CTBS: variants seen among roughly 807,000 people sequenced by gnomAD.
CTBS encodes the protein di-N-acetylchitobiase.
A neutral mutation model predicts 44.3 loss-of-function variants in CTBS; 35 were observed. The observed-to-expected ratio is 0.79, with a 90% CI of 0.60 to 1.05. The LOEUF is 1.05. CTBS is among the 50% of genes least tolerant of loss of function. The pLI is 0.00. For synonymous variants in CTBS, 143 were observed against 168.0 expected, an observed-to-expected ratio of 0.85 and a Z score of 1.15; for missense variants, 458 against 475.3, an observed-to-expected ratio of 0.96 and a Z score of 0.34.
Position 84,550,624 on chromosome 1 carries a change from T to C in CTBS, c.*4375A>G, listed in dbSNP as rs546440083. On this transcript the variant is annotated 3_prime_UTR_variant, in exon 7 of 7. Transcript: ENST00000370630. Reference sequence around the variant, plus strand: ...ACTTTGGGTGTCAATAATATAAGGGTAGCCAGGATTGACTGTATTAAAATT... The same window carrying C: ...ACTTTGGGTGTCAATAATATAAGGGCAGCCAGGATTGACTGTATTAAAATT... 1.2e-4 allele frequency: 164 copies of C among 1,328,464 alleles called. No homozygotes were observed. The African/African-American group carries it at 1.8e-3, about 15-fold the overall frequency. The allele number at this position is 1,328,464 out of a possible 1,614,324, so 82.3% of individuals were successfully genotyped here.
chr1:84,552,864 C>A lies in CTBS; in HGVS notation c.*2135G>T. 1.9e-6 allele frequency: 1 copy of A among 539,014 alleles called. No homozygotes were observed. Among genetic ancestry groups the A allele is most frequent in the Non-Finnish European group, 3.3e-6 (1 of 306,486 alleles). The allele number at this position is 539,014 out of a possible 1,614,324, so 33.4% of individuals were successfully genotyped here. A position where few individuals can be genotyped will look rare whatever the true frequency, so the allele number is the denominator to read the frequency against. On this transcript the variant is annotated 3_prime_UTR_variant, in exon 7 of 7. Transcript: ENST00000370630. ...GTAGATAAGCATGCTTATTAAACAG[C>A]ATTCATAATCTACACATTTACTGTA...
Position 84,569,937 on chromosome 1 carries a change from T to A in CTBS, c.519A>T (p.Gly173=). The A allele has an allele frequency of 6.2e-7, 1 of 1,609,604 alleles. No individual in the cohort carries two copies. Among genetic ancestry groups the A allele is most frequent in the Non-Finnish European group, 8.5e-7 (1 of 1,179,138 alleles). The change falls in exon 3 of 7, where the codon GGA becomes GGT. Residue 173 remains glycine, a synonymous_variant. Transcript: ENST00000370630. The part of the protein sequence containing the change: ...TTDSFHREIE[G]SQVTFDVAWS... ...AAAATAAATGAGTTTTTACCTGTGA[T>A]CCCTCAATTTCACGATGGAAAGAGT...
At chr1:84,558,360 G>A (rs921427996) in intron 6 of CTBS, among the ~76,000 whole-genome samples, 1 of 150,748 alleles carries the variant, frequency 6.6e-6, no homozygotes. Context: ...CGGGATCTCG[G>A]CTCACTGCAA....
In CTBS at chr1:84,563,915, CTGTT is replaced by C. The variant is rs544341022; in HGVS notation, c.698-87_698-84del. Reference sequence around the variant, plus strand: ...TACAAGCTATGCAACCGTTCAGAATCTGTTTGTAAAAACAAGTACATTTATAAAA... The same window carrying C: ...TACAAGCTATGCAACCGTTCAGAATCTGTAAAAACAAGTACATTTATAAAA... On this transcript the variant is annotated intron_variant, in intron 4 of 6. Transcript: ENST00000370630. 1,151 of 1,414,994 alleles carry C rather than the reference CTGTT, an allele frequency of 8.1e-4. 20 individuals are homozygous for C. The Admixed American group carries it at 0.018, about 22-fold the overall frequency. 87.7% of individuals were successfully genotyped at this position (1,414,994 alleles called of 1,614,324 possible).
At chr1:84,570,438 G>A in intron 2 of CTBS, 144 bp downstream of exon 2, 1 of 727,060 alleles carries the variant, frequency 1.4e-6, no homozygotes, top group Non-Finnish European at 2.2e-6. Context: ...TTTGTGAAAT[G>A]AATTACACAG....
intron 4 of CTBS, among the ~76,000 whole-genome samples, chr1:84,564,167 T>G (rs1200220270): frequency 1.3e-5 from 2 of 152,236 alleles, no homozygotes; most frequent in Non-Finnish European, 2.9e-5. Flanking sequence ...TACTTGATAC[T>G]CTAGATTCTA....
At chr1:84,557,548 A>AG (rs1256844155) in intron 6 of CTBS, among the ~76,000 whole-genome samples, 2 of 137,410 alleles carry the variant, frequency 1.5e-5, no homozygotes, top group African/African-American at 3.2e-5. Context: ...AAAAAAAAAA[A>AG]AAAAAGAAAA....
In CTBS at chr1:84,573,833, C is replaced by G. The variant is rs1647384464; in HGVS notation, c.177+406G>C. The stretch of plus-strand genomic sequence containing the variant: ...GAAAACTAAAGGTAAGCAAAATACT[C>G]TGCATTCTAATGTACTGTTGGAGTG... On this transcript the variant is annotated intron_variant, in intron 1 of 6. Coordinates refer to ENST00000370630, the MANE Select transcript of CTBS (RefSeq NM_004388.3). 4 of 1,001,152 alleles carry G rather than the reference C, an allele frequency of 4.0e-6. No homozygotes were observed. In the Admixed American group the frequency reaches 2.3e-4, roughly 57 times the overall value. 62.0% of individuals were successfully genotyped at this position (1,001,152 alleles called of 1,614,324 possible).
intron 1 of CTBS, 98 bp from the exon 2 acceptor site, chr1:84,570,818 T>C (rs769577313): frequency 2.8e-5 from 34 of 1,204,462 alleles, no homozygotes; most frequent in Admixed American, 4.1e-5. Flanking sequence ...CCAAACACTA[T>C]GGTGGCAGTG....
chr1:84,557,533 C>CA (rs56101174), intron 6 of CTBS, among the ~76,000 whole-genome samples: 3,501 of 55,262 alleles, frequency 0.063, 125 homozygotes, highest in Non-Finnish European at 0.095. Context: ...AACTCCATCT[C>CA]AAAAAAAAAA....
chr1:84,573,850 G>A (rs12751492), intron 1 of CTBS: 2 of 1,069,692 alleles, frequency 1.9e-6, no homozygotes, highest in Non-Finnish European at 1.1e-6. Flanking sequence ...CTAATGTACT[G>A]TTGGAGTGCT....
intron 6 of CTBS, among the ~76,000 whole-genome samples, chr1:84,558,728 C>T (rs1188048204): frequency 6.6e-6 from 1 of 151,684 alleles, no homozygotes; most frequent in African/African-American, 2.4e-5. Context: ...TAGAAAGACC[C>T]CGTCTCTACA....
chr1:84,559,997 T>C (rs1233375146), intron 6 of CTBS, among the ~76,000 whole-genome samples: 2 of 149,216 alleles, frequency 1.3e-5, no homozygotes, highest in Admixed American at 6.7e-5. Flanking sequence ...AGGAGTAGAA[T>C]TGCTTGAACC....
Position 84,563,389 on chromosome 1 carries a change from A to C in CTBS, c.825T>G (p.Pro275=). The C allele has an allele frequency of 1.3e-6, 2 of 1,577,236 alleles. No homozygotes were observed. The highest frequency in any genetic ancestry group is 1.7e-6 in the Non-Finnish European group (2 of 1,164,136). ...CGTCACTACAAGGAGCCCCCCGGAA[A>C]GGGACTTTTGCAATGGTACAAACAT... The part of the protein sequence containing the change: ...EDHVCTIAKV[P]FRGAPCSDAA... Residue 275 remains proline, a synonymous_variant, in exon 6 of 7, where the codon CCT becomes CCG. Coordinates refer to ENST00000370630, the MANE Select transcript of CTBS (RefSeq NM_004388.3).
chr1:84,564,432 A>G (rs1249586092), intron 4 of CTBS, among the ~76,000 whole-genome samples: 1 of 152,194 alleles, frequency 6.6e-6, no homozygotes, highest in Non-Finnish European at 1.5e-5. Context: ...ATGTTCAGCT[A>G]AAAAACTTTA....
At chr1:84,568,593 A>G (rs1256298130) in intron 3 of CTBS, among the ~76,000 whole-genome samples, 1 of 152,176 alleles carries the variant, frequency 6.6e-6, no homozygotes, top group African/African-American at 2.4e-5. Flanking sequence ...TCTAAGCTCT[A>G]TCCCAGACCT....
rs1376048898 is a variant in CTBS, at chr1:84,550,678, A to G, written c.*4321T>C. On this transcript the variant is annotated 3_prime_UTR_variant, in exon 7 of 7. Coordinates refer to ENST00000370630, the MANE Select transcript of CTBS (RefSeq NM_004388.3). ...ACCTTAACAGTAAAGAGCATAGGTG[A>G]AAAAAAAAATGCAGGAAGAAAAACT... 1.2e-5 allele frequency: 12 copies of G among 1,029,992 alleles called. No individual in the cohort carries two copies. Among genetic ancestry groups the G allele is most frequent in the Non-Finnish European group, 1.3e-5 (11 of 828,262 alleles). The allele number at this position is 1,029,992 out of a possible 1,614,324, so 63.8% of individuals were successfully genotyped here. A position where few individuals can be genotyped will look rare whatever the true frequency, so the allele number is the denominator to read the frequency against.
Position 84,569,927 on chromosome 1 carries a change from T to G in CTBS, c.525+4A>C, listed in dbSNP as rs376356349. ...AGGTTTCCAAAAAATAAATGAGTTT[T>G]TACCTGTGATCCCTCAATTTCACGA... is the stretch of plus-strand genomic sequence containing the variant. On this transcript the variant is annotated splice_donor_region_variant and intron_variant, in intron 3 of 6. Transcript: ENST00000370630. 6.2e-6 allele frequency: 10 copies of G among 1,608,780 alleles called. No homozygotes were observed. Among genetic ancestry groups the G allele is most frequent in the Non-Finnish European group, 8.5e-6 (10 of 1,178,622 alleles).
At chr1:84,563,158 A>G (rs1684626098) in intron 6 of CTBS, 99 bp downstream of exon 6, 1 of 855,814 alleles carries the variant, frequency 1.2e-6, no homozygotes, top group African/African-American at 1.8e-5. Context: ...TTATGCCCTA[A>G]AAGAAAACTG....
Sources: allele counts gnomAD v4.1 joint callset (sites outside exome capture counted in the v4.1 genomes callset), GRCh38; gene constraint gnomAD v4.1.1; transcripts MANE v1.5; gene names NCBI Gene and HGNC (gene_info 2026-07-23, HGNC 2026-07-21).